The following MACIR variants were observed in gnomAD, a reference collection of about 807,000 sequenced individuals.
MACIR encodes the protein macrophage immunometabolism regulator, also known as UNC119-binding protein C5orf30.
In MACIR, 4 loss-of-function variants were observed where a neutral mutation model predicts 14.3. The ratio of observed to expected loss-of-function variants is 0.28; its 90% CI spans 0.14 to 0.64. The LOEUF (loss-of-function observed/expected upper bound fraction) is 0.64. Ranked by LOEUF, MACIR falls within the 30% of genes least tolerant of loss-of-function variation. The pLI is 0.83. For synonymous variants in MACIR, 101 were observed against 102.4 expected, an observed-to-expected ratio of 0.99 and a Z score of 0.08; for missense variants, 228 against 257.6, an observed-to-expected ratio of 0.89 and a Z score of 0.79.
At position 103,265,949 on chromosome 5, in the gene MACIR, T is replaced by C. The variant is rs1804910376; in HGVS notation, c.-72T>C. The C allele has an allele frequency of 6.6e-6, 1 of 152,160 alleles. No homozygotes were observed. The highest frequency in any genetic ancestry group is 1.5e-5 in the Non-Finnish European group (1 of 67,984). The allele number at this position is 152,160 out of a possible 1,614,324, so 9.4% of individuals were successfully genotyped here. On this transcript the variant is annotated 5_prime_UTR_variant, in exon 2 of 3. Coordinates refer to ENST00000319933, the MANE Select transcript of MACIR (RefSeq NM_033211.4). ...GAAAAATTATTATGTCTGTGTTCCC[T>C]TGGGACTCATTGGAAATTGTACAGT...
chr5:103,265,449 T>G (rs1804890199), intron 1 of MACIR, among the ~76,000 whole-genome samples: 1 of 152,148 alleles, frequency 6.6e-6, no homozygotes, highest in African/African-American at 2.4e-5. Context: ...GTCCACATTT[T>G]AGAGATTGAT....
intron 1 of MACIR, chr5:103,259,387 G>C (rs1317900142): frequency 1.3e-5 from 2 of 152,164 alleles, no homozygotes; most frequent in Non-Finnish European, 2.9e-5. Flanking sequence ...CGGTGCGGAA[G>C]TCGGGGCGCG....
intron 1 of MACIR, among the ~76,000 whole-genome samples, chr5:103,262,921 C>T (rs895909368): frequency 1.3e-5 from 2 of 152,130 alleles, no homozygotes; most frequent in African/African-American, 4.8e-5. Flanking sequence ...TCCAAGCCTT[C>T]AGTGTTTAGA....
At position 103,274,393 on chromosome 5, in the gene MACIR, A is replaced by C. The variant is rs544593463; in HGVS notation, c.-23-1504A>C. On this transcript the variant is annotated intron_variant, in intron 2 of 2. Transcript: ENST00000319933. ...TATAAATAAAAATATTTACATTAAA[A>C]ATATAATAAAGCTGATTACTTTAAA... is the stretch of plus-strand genomic sequence containing the variant. Among the ~76,000 whole-genome samples, 6 of 150,986 alleles carry C rather than the reference A, an allele frequency of 4.0e-5. No homozygotes were observed. The Middle Eastern group carries it at 0.01, about 264-fold the overall frequency.
At chr5:103,260,002 TCAGTTTTCAACC>T (rs558089575) in intron 1 of MACIR, among the ~76,000 whole-genome samples, 183 of 150,652 alleles carry the variant, frequency 1.2e-3, no homozygotes, top group African/African-American at 4.3e-3. Context: ...TCCTTCCACC[TCAGTTTTCAACC>T]CAGTGGGTTA....
intron 1 of MACIR, among the ~76,000 whole-genome samples, chr5:103,261,636 CTTTT>C (rs1305564515): frequency 1.2e-4 from 15 of 121,950 alleles, no homozygotes; most frequent in South Asian, 2.6e-4. Flanking sequence ...ACCTGTTTTT[CTTTT>C]TCTTTCTTTC....
chr5:103,278,560 G>A lies in MACIR; in HGVS notation c.*2020G>A, dbSNP rs950214179. 2 of 167,052 alleles carry A rather than the reference G, an allele frequency of 1.2e-5. No homozygotes were observed. The highest frequency in any genetic ancestry group is 2.4e-5 in the African/African-American group (1 of 41,452). The allele number at this position is 167,052 out of a possible 1,614,324, so 10.3% of individuals were successfully genotyped here. A position where few individuals can be genotyped will look rare whatever the true frequency, so the allele number is the denominator to read the frequency against. On this transcript the variant is annotated 3_prime_UTR_variant, in exon 3 of 3. Coordinates refer to ENST00000319933, the MANE Select transcript of MACIR (RefSeq NM_033211.4). ...AAAGATGTATTCATGGCAATGATAT[G>A]TATTCACCCTATTAGGAAACACAAC...
chr5:103,276,100 T>C lies in MACIR; in HGVS notation c.181T>C (p.Leu61=). The change falls in exon 3 of 3, where the codon TTG becomes CTG. Residue 61 remains leucine (L), a synonymous_variant. Transcript: ENST00000319933. ...GATCCTACACATGGACTCTAACTAT[T>C]TGGTTGGCTTCACGACTGGCGAGGA... The part of the protein sequence containing the change: ...YQILHMDSNY[L]VGFTTGEELL... The C allele has an allele frequency of 1.2e-6, 2 of 1,613,794 alleles. No individual in the cohort carries two copies. The highest frequency in any genetic ancestry group is 1.7e-6 in the Non-Finnish European group (2 of 1,179,966).
At position 103,277,750 on chromosome 5, in the gene MACIR, A is replaced by G. The variant is rs1307225825; in HGVS notation, c.*1210A>G. 1 of 167,030 alleles carries G rather than the reference A, an allele frequency of 6.0e-6. No individual in the cohort carries two copies. The highest frequency in any genetic ancestry group is 1.5e-5 in the Non-Finnish European group (1 of 68,096). 10.3% of individuals were successfully genotyped at this position (167,030 alleles called of 1,614,324 possible). ...TGAATATATTTTGAAAAAAAAATGT[A>G]TGTAACTTACCTTTTGTAAACGTTC... On this transcript the variant is annotated 3_prime_UTR_variant, in exon 3 of 3. Coordinates refer to ENST00000319933, the MANE Select transcript of MACIR (RefSeq NM_033211.4).
chr5:103,276,142 C>G lies in MACIR; in HGVS notation c.223C>G (p.Gln75Glu). The change falls in exon 3 of 3, where the codon CAG (glutamine) becomes GAG (glutamate). Residue 75 changes from glutamine (Q) to glutamate (E), a missense_variant. Gln to Glu is a conservative substitution (Grantham distance 29). Transcript: ENST00000319933. ...TTGEELLKLA[Q>E]KCTGGEESKA... ...TGGCGAGGAACTCCTGAAGTTAGCT[C>G]AGAAGTGCACAGGAGGTGAAGAGAG... 1 of 1,613,890 alleles carries G rather than the reference C, an allele frequency of 6.2e-7. No homozygotes were observed. The highest frequency in any genetic ancestry group is 8.5e-7 in the Non-Finnish European group (1 of 1,179,988).
intron 2 of MACIR, among the ~76,000 whole-genome samples, chr5:103,268,869 A>C (rs1334299257): frequency 1.3e-5 from 2 of 152,038 alleles, no homozygotes; most frequent in Non-Finnish European, 2.9e-5. Flanking sequence ...TGTCTTCTCT[A>C]TATTTCAAGG....
At chr5:103,272,644 G>A (rs147427313) in intron 2 of MACIR, among the ~76,000 whole-genome samples, 124 of 152,180 alleles carry the variant, frequency 8.1e-4, no homozygotes, top group African/African-American at 2.9e-3. Flanking sequence ...GACATTGAGG[G>A]CTGTCTTTTC....
intron 2 of MACIR, among the ~76,000 whole-genome samples, chr5:103,269,882 T>A (rs1335598087): frequency 6.6e-6 from 1 of 152,202 alleles, no homozygotes; most frequent in African/African-American, 2.4e-5. Context: ...TATATATAAA[T>A]GAATGAAATG....
chr5:103,265,545 AT>A (rs1226699528), intron 1 of MACIR, among the ~76,000 whole-genome samples: 5 of 151,994 alleles, frequency 3.3e-5, no homozygotes, highest in Admixed American at 6.6e-5. Context: ...CCTAAGCATT[AT>A]TTTTTTTCCA....
At chr5:103,275,806 AC>A in intron 2 of MACIR, 90 bp from the exon 3 acceptor site, 1 of 1,049,978 alleles carries the variant, frequency 9.5e-7, no homozygotes. Flanking sequence ...GGCAAGTGTT[AC>A]TTCATGCTCC....
intron 1 of MACIR, among the ~76,000 whole-genome samples, chr5:103,265,182 A>G (rs1386885014): frequency 1.3e-5 from 2 of 152,178 alleles, no homozygotes; most frequent in Admixed American, 6.5e-5. Flanking sequence ...GGTGGTAACT[A>G]TAAAAAAGTG....
Position 103,278,151 on chromosome 5 carries a change from T to C in MACIR, c.*1611T>C, listed in dbSNP as rs1337614058. 6.0e-6 allele frequency: 1 copy of C among 167,126 alleles called. No homozygotes were observed. Among genetic ancestry groups the C allele is most frequent in the Non-Finnish European group, 1.5e-5 (1 of 68,116 alleles). 10.4% of individuals were successfully genotyped at this position (167,126 alleles called of 1,614,324 possible). The stretch of plus-strand genomic sequence containing the variant: ...GGGCTGGAAATGTTTCGCTGTTGTA[T>C]ATTTTAAAGTAAATTGCACCTTTGT... On this transcript the variant is annotated 3_prime_UTR_variant, in exon 3 of 3. Transcript: ENST00000319933.
chr5:103,259,048 T>G (rs1804560472), intron 1 of MACIR, 152 bp downstream of exon 1: 1 of 152,294 alleles, frequency 6.6e-6, no homozygotes, highest in African/African-American at 2.4e-5. Context: ...CTCCGCCTCG[T>G]GTCTGGGCCG....
intron 2 of MACIR, among the ~76,000 whole-genome samples, chr5:103,271,241 A>G (rs35803): frequency 0.29 from 44,762 of 151,980 alleles, 6,595 homozygotes; most frequent in Non-Finnish European, 0.32. Flanking sequence ...CCATTTGTCA[A>G]ATTTACCACC....
Sources: gnomAD v4.1 joint callset for allele counts (sites outside exome capture counted in the v4.1 genomes callset) on GRCh38, gnomAD v4.1.1 for gene constraint, MANE v1.5 for transcripts, NCBI Gene and HGNC (gene_info 2026-07-23, HGNC 2026-07-21) for gene names.